ADAMTSL3: variants seen among roughly 807,000 people sequenced by gnomAD.
ADAMTSL3 encodes ADAMTS like 3.
ADAMTSL3 carries 128 observed loss-of-function variants against 201.7 expected under a neutral mutation model. The observed-to-expected ratio is 0.63, with a 90% CI of 0.55 to 0.73. The LOEUF is 0.73. Among genes scored for constraint, ADAMTSL3 ranks in the 30% least tolerant of loss-of-function variants. The probability of loss-of-function intolerance (pLI) is 0.00; values close to 1 mark genes in which losing one functional copy is unlikely to be tolerated. For missense variants in ADAMTSL3, 1,990 were observed against 2,119.6 expected, an observed-to-expected ratio of 0.94 and a Z score of 1.20; for synonymous variants, 738 against 748.4, an observed-to-expected ratio of 0.99 and a Z score of 0.23.
At chr15:83,918,408 G>T (rs1474253550) in intron 16 of ADAMTSL3, among the ~76,000 whole-genome samples, 1 of 152,120 alleles carries the variant, frequency 6.6e-6, no homozygotes, top group Non-Finnish European at 1.5e-5. Flanking sequence ...ATTACCACTG[G>T]TTACAGCAAT....
intron 7 of ADAMTSL3, among the ~76,000 whole-genome samples, chr15:83,853,763 A>T (rs913954406): frequency 6.6e-6 from 1 of 152,190 alleles, no homozygotes; most frequent in Non-Finnish European, 1.5e-5. Context: ...ATGTAGTTTT[A>T]TCTCCAAAAT....
At chr15:83,807,326 G>A (rs12594012) in intron 5 of ADAMTSL3, among the ~76,000 whole-genome samples, 13,308 of 151,934 alleles carry the variant, frequency 0.088, 737 homozygotes, top group East Asian at 0.25. Context: ...TGTGGTGGTG[G>A]GCAATCGTAA....
chr15:83,668,411 C>T (rs971759273), intron 2 of ADAMTSL3, among the ~76,000 whole-genome samples: 1 of 151,182 alleles, frequency 6.6e-6, no homozygotes, highest in African/African-American at 2.4e-5. Flanking sequence ...CTCACTTTGA[C>T]ACTATACCTA....
chr15:83,981,230 A>C (rs990443462), intron 20 of ADAMTSL3, among the ~76,000 whole-genome samples: 4 of 152,228 alleles, frequency 2.6e-5, no homozygotes, highest in African/African-American at 9.6e-5. Flanking sequence ...GCCTTCTCTC[A>C]GGTGAAACAA....
At chr15:83,947,553 T>C (rs1012254336) in intron 19 of ADAMTSL3, among the ~76,000 whole-genome samples, 1 of 152,268 alleles carries the variant, frequency 6.6e-6, no homozygotes, top group Non-Finnish European at 1.5e-5. Flanking sequence ...CCTTGTAGCC[T>C]GTTTTGTGTC....
chr15:83,959,526 A>T (rs1182429631), intron 19 of ADAMTSL3, among the ~76,000 whole-genome samples: 1 of 152,198 alleles, frequency 6.6e-6, no homozygotes, highest in African/African-American at 2.4e-5. Context: ...CAACAATACC[A>T]CTTCATACTA....
intron 21 of ADAMTSL3, among the ~76,000 whole-genome samples, chr15:83,985,546 G>T (rs1228898214): frequency 6.6e-6 from 1 of 152,140 alleles, no homozygotes; most frequent in African/African-American, 2.4e-5. Flanking sequence ...TTCCCATTGT[G>T]TCGTATGGGA....
At chr15:83,814,343 C>T (rs1017728941) in intron 5 of ADAMTSL3, among the ~76,000 whole-genome samples, 15 of 152,170 alleles carry the variant, frequency 9.9e-5, no homozygotes, top group African/African-American at 3.1e-4. Flanking sequence ...TAGTCCCCTC[C>T]GTGGATCCTT....
At chr15:83,744,528 A>C (rs1231482659) in intron 3 of ADAMTSL3, among the ~76,000 whole-genome samples, 2 of 152,200 alleles carry the variant, frequency 1.3e-5, no homozygotes, top group Non-Finnish European at 2.9e-5. Flanking sequence ...GATGTTTTGA[A>C]ATATGCATAC....
At chr15:83,751,544 T>TC (rs759162101) in intron 3 of ADAMTSL3, among the ~76,000 whole-genome samples, 4 of 152,194 alleles carry the variant, frequency 2.6e-5, no homozygotes, top group South Asian at 2.1e-4. Flanking sequence ...GTGCTTTTTT[T>TC]CTGATGTAAA....
At chr15:83,904,627 C>T (rs1482754347) in intron 15 of ADAMTSL3, among the ~76,000 whole-genome samples, 2 of 152,182 alleles carry the variant, frequency 1.3e-5, no homozygotes, top group African/African-American at 4.8e-5. Context: ...GCCAAGGGAA[C>T]TGCAGTACTG....
At chr15:84,011,349 A>T (rs2068002793) in intron 23 of ADAMTSL3, among the ~76,000 whole-genome samples, 2 of 152,224 alleles carry the variant, frequency 1.3e-5, no homozygotes, top group Admixed American at 1.3e-4. Flanking sequence ...ATTCCCATTA[A>T]AGTTGGAAAC....
chr15:83,832,308 C>T (rs1476533206), intron 6 of ADAMTSL3, among the ~76,000 whole-genome samples: 2 of 152,142 alleles, frequency 1.3e-5, no homozygotes, highest in African/African-American at 4.8e-5. Context: ...GCTTAGTTGA[C>T]TCCAGGAGTT....
chr15:83,918,103 T>G (rs1333191723), intron 16 of ADAMTSL3, among the ~76,000 whole-genome samples: 1 of 152,242 alleles, frequency 6.6e-6, no homozygotes, highest in Non-Finnish European at 1.5e-5. Flanking sequence ...CTATTAATGG[T>G]GATTTTATCT....
chr15:83,979,645 C>T (rs1051465006), intron 20 of ADAMTSL3, among the ~76,000 whole-genome samples: 1 of 152,148 alleles, frequency 6.6e-6, no homozygotes, highest in African/African-American at 2.4e-5. Flanking sequence ...TTTAGGAATT[C>T]ATTAGATAGG....
At chr15:83,890,067 A>G in intron 10 of ADAMTSL3, 42 bp from the exon 11 acceptor site, 6 of 1,571,348 alleles carry the variant, frequency 3.8e-6, no homozygotes, top group Non-Finnish European at 5.2e-6. Flanking sequence ...AGTAAAAATG[A>G]AACGGATGCA....
At chr15:83,782,280 C>A (rs1359257287) in intron 4 of ADAMTSL3, among the ~76,000 whole-genome samples, 1 of 151,988 alleles carries the variant, frequency 6.6e-6, no homozygotes, top group Non-Finnish European at 1.5e-5. Flanking sequence ...AGTTCCAGAC[C>A]AGCCCGGCAA....
intron 7 of ADAMTSL3, among the ~76,000 whole-genome samples, chr15:83,851,452 C>T (rs1354116839): frequency 6.6e-6 from 1 of 152,146 alleles, no homozygotes; most frequent in Non-Finnish European, 1.5e-5. Flanking sequence ...CATATATGCA[C>T]ACACACCCCT....
intron 23 of ADAMTSL3, among the ~76,000 whole-genome samples, chr15:84,004,262 C>T (rs984598594): frequency 6.6e-6 from 1 of 152,152 alleles, no homozygotes. Context: ...ACAACATCTC[C>T]CCAGCCCTGC....
Sources: allele counts gnomAD v4.1 joint callset (sites outside exome capture counted in the v4.1 genomes callset), GRCh38; gene constraint gnomAD v4.1.1; transcripts MANE v1.5; gene names NCBI Gene and HGNC (gene_info 2026-07-23, HGNC 2026-07-21).